XPNPEP3: variants seen among roughly 807,000 people sequenced by gnomAD.
XPNPEP3 encodes the protein xaa-Pro aminopeptidase 3.
In XPNPEP3, 41 loss-of-function variants were observed where a neutral mutation model predicts 60.0. That is an observed-to-expected ratio of 0.68 (90% CI 0.53 to 0.89). The LOEUF is 0.89. Ranked by LOEUF, XPNPEP3 falls within the 40% of genes least tolerant of loss-of-function variation. The pLI is 0.00. For synonymous variants in XPNPEP3, 212 were observed against 223.2 expected, an observed-to-expected ratio of 0.95 and a Z score of 0.45; for missense variants, 598 against 638.9, an observed-to-expected ratio of 0.94 and a Z score of 0.69.
At chr22:40,914,408 A>G (rs762375330) in intron 7 of XPNPEP3, 84 bp downstream of exon 7, 88 of 1,169,658 alleles carry the variant, frequency 7.5e-5, no homozygotes, top group Non-Finnish European at 1.1e-4. Context: ...GAATGACTAA[A>G]GAAATACTAT....
chr22:40,898,403 G>A (rs947581369), intron 4 of XPNPEP3, among the ~76,000 whole-genome samples: 16 of 139,828 alleles, frequency 1.1e-4, no homozygotes, highest in Non-Finnish European at 1.5e-4. Flanking sequence ...ACAGGCGCCC[G>A]CCACCGCGCC....
intron 3 of XPNPEP3, among the ~76,000 whole-genome samples, chr22:40,885,362 T>G (rs2058064669): frequency 6.6e-6 from 1 of 152,244 alleles, no homozygotes; most frequent in Non-Finnish European, 1.5e-5. Context: ...ATAATGAGCC[T>G]TTATATCGTA....
chr22:40,923,725 G>T (rs1320711276), intron 8 of XPNPEP3, among the ~76,000 whole-genome samples: 1 of 152,034 alleles, frequency 6.6e-6, no homozygotes, highest in Non-Finnish European at 1.5e-5. Context: ...GGTGGTACAT[G>T]ACTATAATCC....
intron 2 of XPNPEP3, among the ~76,000 whole-genome samples, chr22:40,880,933 G>A (rs2058045231): frequency 6.6e-6 from 1 of 152,094 alleles, no homozygotes; most frequent in Admixed American, 6.6e-5. Flanking sequence ...TGAGAAAATG[G>A]GGAGTAACTG....
At chr22:40,881,672 G>A in intron 2 of XPNPEP3, 98 bp from the exon 3 acceptor site, 1 of 1,406,988 alleles carries the variant, frequency 7.1e-7, no homozygotes, top group East Asian at 2.3e-5. Context: ...GGCATAAATT[G>A]AACAATTGGA....
intron 7 of XPNPEP3, among the ~76,000 whole-genome samples, chr22:40,916,273 C>G (rs1464810687): frequency 2.0e-5 from 3 of 150,222 alleles, no homozygotes; most frequent in Non-Finnish European, 3.0e-5. Context: ...GCTTGGGCGA[C>G]AGAGTGAGAC....
At chr22:40,909,292 C>A in intron 6 of XPNPEP3, 57 bp downstream of exon 6, 1 of 1,334,344 alleles carries the variant, frequency 7.5e-7, no homozygotes, top group Non-Finnish European at 1.1e-6. Flanking sequence ...TAGTAGAAAA[C>A]CTGCTAACCT....
At chr22:40,918,191 G>A (rs1336732275) in intron 7 of XPNPEP3, among the ~76,000 whole-genome samples, 1 of 151,948 alleles carries the variant, frequency 6.6e-6, no homozygotes, top group Non-Finnish European at 1.5e-5. Context: ...GGGCAACACA[G>A]CAAGACCTCT....
chr22:40,869,906 A>C, intron 2 of XPNPEP3: 1 of 325,834 alleles, frequency 3.1e-6, no homozygotes, highest in Non-Finnish European at 6.2e-6. Flanking sequence ...ATAAGAAATT[A>C]AATATGTATT....
At chr22:40,867,805 A>G (rs2145773779) in intron 1 of XPNPEP3, among the ~76,000 whole-genome samples, 1 of 152,284 alleles carries the variant, frequency 6.6e-6, no homozygotes, top group African/African-American at 2.4e-5. Context: ...GGATAAGTGC[A>G]TTTATACCAT....
At chr22:40,861,700 C>A (rs200813530) in intron 1 of XPNPEP3, 60 of 1,613,916 alleles carry the variant, frequency 3.7e-5, no homozygotes, top group Non-Finnish European at 4.6e-5. Flanking sequence ...TGAAAAATTT[C>A]TTTAAAAACA....
chr22:40,873,724 G>A (rs1569017364), intron 2 of XPNPEP3, among the ~76,000 whole-genome samples: 1 of 152,192 alleles, frequency 6.6e-6, no homozygotes, highest in East Asian at 1.9e-4. Flanking sequence ...TTGAGCCTGG[G>A]AAGTCAAGGC....
intron 7 of XPNPEP3, among the ~76,000 whole-genome samples, chr22:40,921,345 G>A (rs1305732517): frequency 1.3e-5 from 2 of 152,046 alleles, no homozygotes; most frequent in African/African-American, 4.8e-5. Context: ...AATAGGTTTG[G>A]TACATGAATT....
chr22:40,900,387 C>T (rs536380331), intron 4 of XPNPEP3, among the ~76,000 whole-genome samples: 1 of 151,442 alleles, frequency 6.6e-6, no homozygotes, highest in South Asian at 2.1e-4. Context: ...GGTGGATCAC[C>T]TGAAGTCAGG....
At chr22:40,879,184 A>C (rs1047014160) in intron 2 of XPNPEP3, among the ~76,000 whole-genome samples, 1 of 152,170 alleles carries the variant, frequency 6.6e-6, no homozygotes, top group Non-Finnish European at 1.5e-5. Context: ...ATCTTGAAAG[A>C]AAAAAATGTG....
intron 7 of XPNPEP3, among the ~76,000 whole-genome samples, chr22:40,915,546 T>C (rs1301788011): frequency 2.0e-5 from 3 of 148,556 alleles, no homozygotes; most frequent in Non-Finnish European, 4.5e-5. Context: ...AGTGAGACTC[T>C]ATCTGAAAAA....
chr22:40,884,125 T>A (rs759619055), intron 3 of XPNPEP3, among the ~76,000 whole-genome samples: 21 of 152,212 alleles, frequency 1.4e-4, no homozygotes, highest in Non-Finnish European at 4.4e-5. Flanking sequence ...ATGTTTTCCA[T>A]TTTATAGATA....
At position 40,932,355 on chromosome 22, in the gene XPNPEP3, T is replaced by C. The variant is rs980752373; in HGVS notation, c.*5920T>C. 4.6e-5 allele frequency: 7 copies of C among 152,070 alleles called. No homozygotes were observed. Among genetic ancestry groups the C allele is most frequent in the African/African-American group, 1.7e-4 (7 of 41,404 alleles). The allele number at this position is 152,070 out of a possible 1,614,324, so 9.4% of individuals were successfully genotyped here. A position where few individuals can be genotyped will look rare whatever the true frequency, so the allele number is the denominator to read the frequency against. The stretch of plus-strand genomic sequence containing the variant: ...TGATTGTGTTTTTTTTTTTTTAATT[T>C]TTGTTTCCTGAAGTAGAATCCATAG... On this transcript the variant is annotated 3_prime_UTR_variant, in exon 10 of 10. Transcript: ENST00000357137.
At chr22:40,892,276 C>T (rs2058091237) in intron 4 of XPNPEP3, among the ~76,000 whole-genome samples, 1 of 152,106 alleles carries the variant, frequency 6.6e-6, no homozygotes, top group East Asian at 1.9e-4. Context: ...CCTCCGCCTC[C>T]CAGGTTCAAG....
Sources: allele counts gnomAD v4.1 joint callset (sites outside exome capture counted in the v4.1 genomes callset), GRCh38; gene constraint gnomAD v4.1.1; transcripts MANE v1.5; gene names NCBI Gene and HGNC (gene_info 2026-07-23, HGNC 2026-07-21).